The following SERPINB8 variants were observed in gnomAD, a reference collection of about 807,000 sequenced individuals.
The protein encoded by SERPINB8 is serpin family B member 8.
SERPINB8 carries 25 observed loss-of-function variants against 35.3 expected under a neutral mutation model. The ratio of observed to expected loss-of-function variants is 0.71; its 90% CI spans 0.52 to 0.99. The LOEUF is 0.99. Ranked by LOEUF, SERPINB8 falls within the 50% of genes least tolerant of loss-of-function variation. The pLI is 0.00. For synonymous variants in SERPINB8, 186 were observed against 160.8 expected, an observed-to-expected ratio of 1.16 and a Z score of -1.19; for missense variants, 484 against 446.5, an observed-to-expected ratio of 1.08 and a Z score of -0.76.
exon 2 of SERPINB8, chr18:64,004,944 C>T: frequency 2.5e-6 from 1 of 398,138 alleles, no homozygotes; most frequent in Non-Finnish European, 4.4e-6. Context: ...TTGGCTGAAA[C>T]TCTCTAAAAG....
intron 1 of SERPINB8, among the ~76,000 whole-genome samples, chr18:64,003,183 G>C (rs530714412): frequency 6.6e-6 from 1 of 152,298 alleles, no homozygotes; most frequent in South Asian, 2.1e-4. Flanking sequence ...GTTCCACGTT[G>C]TCGAGCCCCC....
rs1053224485 is a variant in SERPINB8 at position 63,988,742 on chromosome 18, G to A, written c.*1464G>A. ...TCTTACTTAAATTTGACCAAGCCAG[G>A]ATATATCTGTTAGGCCACATTCATT... is the stretch of plus-strand genomic sequence containing the variant. On this transcript the variant is annotated 3_prime_UTR_variant, in exon 7 of 7. Transcript: ENST00000397985. 2.0e-5 allele frequency: 3 copies of A among 151,368 alleles called. No homozygotes were observed. The highest frequency in any genetic ancestry group is 7.3e-5 in the African/African-American group (3 of 41,364). 9.4% of individuals were successfully genotyped at this position (151,368 alleles called of 1,614,324 possible).
At chr18:63,998,168 T>C (rs1206225916) in intron 1 of SERPINB8, among the ~76,000 whole-genome samples, 2 of 152,214 alleles carry the variant, frequency 1.3e-5, no homozygotes, top group African/African-American at 2.4e-5. Flanking sequence ...TGCAGGTTGA[T>C]CACACTAGTC....
At chr18:64,001,459 T>TTG (rs770515513) in intron 1 of SERPINB8, among the ~76,000 whole-genome samples, 3 of 87,488 alleles carry the variant, frequency 3.4e-5, no homozygotes, top group South Asian at 4.9e-4. Flanking sequence ...TTCTTTTCTT[T>TTG]TCTGTTTGTT....
intron 1 of SERPINB8, among the ~76,000 whole-genome samples, chr18:63,997,228 G>T (rs77666572): frequency 0.015 from 2,301 of 152,322 alleles, 34 homozygotes; most frequent in Non-Finnish European, 0.023. Context: ...GCATGAGTAC[G>T]TGACTCACGG....
At chr18:64,010,589 A>G (rs1427243069), downstream of SERPINB8, among the ~76,000 whole-genome samples, 2 of 152,130 alleles carry the variant, frequency 1.3e-5, no homozygotes, top group African/African-American at 4.8e-5. Context: ...ATAGAACACA[A>G]TGTTACTAAT....
intron 6 of SERPINB8, among the ~76,000 whole-genome samples, chr18:63,985,633 T>C (rs2050742283): frequency 1.3e-5 from 2 of 152,194 alleles, no homozygotes; most frequent in Non-Finnish European, 2.9e-5. Flanking sequence ...CTTGTTAAAG[T>C]GCAGATTTTG....
intron 1 of SERPINB8, among the ~76,000 whole-genome samples, chr18:63,974,521 C>T (rs1361110107): frequency 1.3e-5 from 2 of 152,124 alleles, no homozygotes; most frequent in African/African-American, 2.4e-5. Context: ...ATTTAATTGC[C>T]TCTGTCTTTG....
At chr18:64,013,129 T>G (rs1423686869) in intron 7 of SERPINB8, among the ~76,000 whole-genome samples, 4 of 152,176 alleles carry the variant, frequency 2.6e-5, no homozygotes, top group African/African-American at 7.2e-5. Flanking sequence ...TGCCGATTAC[T>G]CTGCCAACAG....
intron 7 of SERPINB8, among the ~76,000 whole-genome samples, chr18:64,017,791 C>T (rs1166436946): frequency 6.6e-6 from 1 of 152,154 alleles, no homozygotes; most frequent in Non-Finnish European, 1.5e-5. Context: ...AGCCTCCTAC[C>T]TTCTTTCCAA....
intron 7 of SERPINB8, among the ~76,000 whole-genome samples, chr18:64,013,457 A>T (rs1198373795): frequency 6.6e-6 from 1 of 152,102 alleles, no homozygotes; most frequent in Non-Finnish European, 1.5e-5. Flanking sequence ...TCTTACAGTC[A>T]TTACAATAGG....
chr18:63,998,480 A>T (rs747914031), intron 1 of SERPINB8, among the ~76,000 whole-genome samples: 28 of 152,248 alleles, frequency 1.8e-4, no homozygotes, highest in Non-Finnish European at 4.0e-4. Flanking sequence ...GAACAGGTTG[A>T]AGTGGCTGAT....
chr18:63,972,646 G>A (rs572627818), intron 1 of SERPINB8, among the ~76,000 whole-genome samples: 262 of 103,324 alleles, frequency 2.5e-3, no homozygotes, highest in Admixed American at 5.9e-3. Context: ...CATCCCCCCC[G>A]CCCACCCCAC....
Position 63,986,862 on chromosome 18 carries a change from T to C in SERPINB8, c.721-12T>C. 1.3e-6 allele frequency: 2 copies of C among 1,594,036 alleles called. No homozygotes were observed. Among genetic ancestry groups the C allele is most frequent in the Non-Finnish European group, 1.7e-6 (2 of 1,172,096 alleles). On this transcript the variant is annotated splice_polypyrimidine_tract_variant and intron_variant, in intron 6 of 6. Transcript: ENST00000397985. ...CATCTAAATTTTAAGGTTTGAGTCT[T>C]TCTTATCCTAGGTGGAAAAAGCACT...
intron 7 of SERPINB8, among the ~76,000 whole-genome samples, chr18:64,015,785 T>C (rs1008819969): frequency 2.6e-5 from 4 of 152,322 alleles, no homozygotes; most frequent in African/African-American, 7.2e-5. Flanking sequence ...TTTGGGGCCT[T>C]TGAAGTTTCT....
chr18:64,015,308 C>T (rs1046994198), intron 7 of SERPINB8, among the ~76,000 whole-genome samples: 4 of 152,274 alleles, frequency 2.6e-5, no homozygotes, highest in South Asian at 2.1e-4. Context: ...ACTGGCTCCA[C>T]GGAGGTAGGG....
downstream of SERPINB8, among the ~76,000 whole-genome samples, chr18:64,007,208 A>G (rs2050904058): frequency 6.6e-6 from 1 of 152,154 alleles, no homozygotes; most frequent in South Asian, 2.1e-4. Flanking sequence ...TTATGTCAAT[A>G]TATTTGAAAA....
At chr18:64,001,475 G>GTTTGTTTATTTATTTATTTATTTATTTA (rs1555716935) in intron 1 of SERPINB8, among the ~76,000 whole-genome samples, 1 of 146,804 alleles carries the variant, frequency 6.8e-6, no homozygotes, top group African/African-American at 2.6e-5. Flanking sequence ...TTGTTTGTTT[G>GTTTGTTTATTTATTTATTTATTTATTTA]TTTATTTATT....
downstream of SERPINB8, among the ~76,000 whole-genome samples, chr18:63,989,899 C>A (rs75139039): frequency 2.2e-5 from 3 of 134,754 alleles, no homozygotes; most frequent in African/African-American, 8.2e-5. Context: ...GCCGAGATCC[C>A]GCCACTGCAC....
Sources: allele counts gnomAD v4.1 joint callset (sites outside exome capture counted in the v4.1 genomes callset), GRCh38; gene constraint gnomAD v4.1.1; transcripts MANE v1.5; gene names NCBI Gene and HGNC (gene_info 2026-07-23, HGNC 2026-07-21).